ASPRV1: variants seen among roughly 807,000 people sequenced by gnomAD.
The protein encoded by ASPRV1 is retroviral-like aspartic protease 1.
In ASPRV1, 7 loss-of-function variants were observed where a neutral mutation model predicts 11.0. The observed-to-expected ratio is 0.64, with a 90% CI of 0.36 to 1.20. The LOEUF is 1.20. Among genes scored for constraint, ASPRV1 ranks in the 50% most tolerant of loss-of-function variants. ASPRV1 has a pLI of 0.02. For missense variants in ASPRV1, 299 were observed against 320.0 expected, an observed-to-expected ratio of 0.93 and a Z score of 0.50; for synonymous variants, 136 against 138.4, an observed-to-expected ratio of 0.98 and a Z score of 0.12.
At chr2:70,062,741 G>A in the ASPRV1 span, among the ~76,000 whole-genome samples, 1 of 152,102 alleles carries the variant, frequency 6.6e-6, no homozygotes, top group Non-Finnish European at 1.5e-5. Context: ...AGTGTGCTAT[G>A]ATCACGCCTG....
At chr2:70,046,798 T>C in the ASPRV1 span, 1 of 152,186 alleles carries the variant, frequency 6.6e-6, no homozygotes, top group Non-Finnish European at 1.5e-5. Flanking sequence ...CTCAGGGAAC[T>C]GGCAAAACAA....
the ASPRV1 span, among the ~76,000 whole-genome samples, chr2:70,004,863 C>G: frequency 6.6e-6 from 1 of 152,124 alleles, no homozygotes; most frequent in Non-Finnish European, 1.5e-5. Context: ...CTGTTGTTAC[C>G]TGCTCACTGG....
At chr2:69,978,828 C>T in the ASPRV1 span, among the ~76,000 whole-genome samples, 16 of 152,280 alleles carry the variant, frequency 1.1e-4, no homozygotes, top group Non-Finnish European at 1.3e-4. Context: ...AACTCCCAGA[C>T]GATGGGTGAC....
At chr2:70,085,902 G>C in the ASPRV1 span, 2 of 152,344 alleles carry the variant, frequency 1.3e-5, no homozygotes, top group Admixed American at 1.3e-4. Flanking sequence ...ATGCTAGGAA[G>C]TCTAGAAAAG....
At chr2:70,060,532 G>A in the ASPRV1 span, among the ~76,000 whole-genome samples, 2 of 152,136 alleles carry the variant, frequency 1.3e-5, no homozygotes, top group African/African-American at 4.8e-5. Flanking sequence ...GGGCATAGTC[G>A]CCGGGCACAG....
chr2:70,001,717 C>G, the ASPRV1 span, among the ~76,000 whole-genome samples: 3 of 151,954 alleles, frequency 2.0e-5, no homozygotes, highest in Non-Finnish European at 4.4e-5. Context: ...CCAAGATCTC[C>G]CCATTGCACC....
the ASPRV1 span, among the ~76,000 whole-genome samples, chr2:70,075,671 AC>A: frequency 6.6e-6 from 1 of 151,958 alleles, no homozygotes; most frequent in Non-Finnish European, 1.5e-5. Context: ...ACATCGAGAA[AC>A]CCTGTCTCTA....
chr2:70,042,144 T>C, the ASPRV1 span, among the ~76,000 whole-genome samples: 2 of 152,184 alleles, frequency 1.3e-5, no homozygotes, highest in South Asian at 2.1e-4. Flanking sequence ...AAATGTTATA[T>C]ATTCTATTTC....
chr2:69,942,398 TCA>T, the ASPRV1 span: 1 of 152,194 alleles, frequency 6.6e-6, no homozygotes, highest in African/African-American at 2.4e-5. Flanking sequence ...GATGATTTTC[TCA>T]GATTCTTCTG....
the ASPRV1 span, among the ~76,000 whole-genome samples, chr2:69,953,602 C>T: frequency 2.1e-5 from 2 of 96,898 alleles, no homozygotes; most frequent in South Asian, 4.0e-4. Flanking sequence ...GGGACCTTTC[C>T]CCCAATCCAG....
At chr2:70,022,197 A>G in the ASPRV1 span, among the ~76,000 whole-genome samples, 2 of 150,908 alleles carry the variant, frequency 1.3e-5, no homozygotes, top group Non-Finnish European at 3.0e-5. Flanking sequence ...TTGTATTTTT[A>G]GTAGAGACGG....
chr2:70,065,700 C>T, the ASPRV1 span, among the ~76,000 whole-genome samples: 1 of 151,170 alleles, frequency 6.6e-6, no homozygotes, highest in Non-Finnish European at 1.5e-5. Flanking sequence ...TGGCGCATGC[C>T]TTTAGTCCCA....
At chr2:69,956,326 T>A (rs1431054930), downstream of ASPRV1, among the ~76,000 whole-genome samples, 2 of 151,972 alleles carry the variant, frequency 1.3e-5, no homozygotes, top group Non-Finnish European at 2.9e-5. Context: ...ATTAGTCCTG[T>A]AAGCCCAGCT....
chr2:70,076,496 T>C, the ASPRV1 span, among the ~76,000 whole-genome samples: 2 of 152,144 alleles, frequency 1.3e-5, no homozygotes, highest in Admixed American at 1.3e-4. Context: ...GCTGATGGCA[T>C]TTAACCGTCA....
chr2:70,059,363 G>C, the ASPRV1 span, among the ~76,000 whole-genome samples: 1 of 150,696 alleles, frequency 6.6e-6, no homozygotes, highest in Non-Finnish European at 1.5e-5. Context: ...TATGCACACT[G>C]ATTGGTTTTC....
At chr2:69,950,886 A>C in the ASPRV1 span, among the ~76,000 whole-genome samples, 1 of 149,568 alleles carries the variant, frequency 6.7e-6, no homozygotes, top group African/African-American at 2.5e-5. Flanking sequence ...TAAATAAATA[A>C]ATAATAAAAA....
At chr2:69,966,114 G>A (rs1315216779), upstream of ASPRV1, among the ~76,000 whole-genome samples, 1 of 152,200 alleles carries the variant, frequency 6.6e-6, no homozygotes, top group African/African-American at 2.4e-5. Flanking sequence ...AGTGGTCCTG[G>A]CCCCAGTGCC....
chr2:69,937,773 C>G, the ASPRV1 span, among the ~76,000 whole-genome samples: 1 of 152,196 alleles, frequency 6.6e-6, no homozygotes, highest in African/African-American at 2.4e-5. Context: ...CACCACAATG[C>G]CTGGCAAATT....
chr2:70,037,741 T>TA, the ASPRV1 span, among the ~76,000 whole-genome samples: 5 of 152,204 alleles, frequency 3.3e-5, no homozygotes, highest in Non-Finnish European at 5.9e-5. Flanking sequence ...TACTTTTTTT[T>TA]AGCTAATTCA....
Sources: gnomAD v4.1 joint callset for allele counts (sites outside exome capture counted in the v4.1 genomes callset) on GRCh38, gnomAD v4.1.1 for gene constraint, MANE v1.5 for transcripts, NCBI Gene and HGNC (gene_info 2026-07-23, HGNC 2026-07-21) for gene names.